The following PLCE1 variants were observed in gnomAD, a reference collection of about 807,000 sequenced individuals.
PLCE1 encodes phospholipase C epsilon 1.
Under a neutral mutation model 242.8 loss-of-function variants are expected in PLCE1, and 119 were observed. The ratio of observed to expected loss-of-function variants is 0.49; its 90% confidence interval spans 0.42 to 0.57. PLCE1 has a LOEUF of 0.57. Ranked by LOEUF, PLCE1 falls within the 20% of genes least tolerant of loss-of-function variation. The probability of loss-of-function intolerance (pLI) is 0.00; values close to 1 mark genes in which losing one functional copy is unlikely to be tolerated. For missense variants in PLCE1, 2,441 were observed against 2,788.8 expected, an observed-to-expected ratio of 0.88 and a Z score of 2.81; for synonymous variants, 945 against 1,017.4, an observed-to-expected ratio of 0.93 and a Z score of 1.35.
intron 8 of PLCE1, among the ~76,000 whole-genome samples, chr10:94,248,502 A>G (rs1008510477): frequency 6.6e-6 from 1 of 152,192 alleles, no homozygotes. Flanking sequence ...AGGCAGGAGA[A>G]TCGCTTGAGC....
chr10:94,095,562 TC>T (rs1284633706), intron 2 of PLCE1, among the ~76,000 whole-genome samples: 5 of 152,126 alleles, frequency 3.3e-5, no homozygotes, highest in African/African-American at 4.8e-5. Flanking sequence ...TCATTATGTT[TC>T]CCAGGCTGGA....
At chr10:94,190,395 G>A (rs532784001) in intron 4 of PLCE1, among the ~76,000 whole-genome samples, 1 of 152,184 alleles carries the variant, frequency 6.6e-6, no homozygotes, top group Non-Finnish European at 1.5e-5. Flanking sequence ...GATTGCTTCA[G>A]GCTAGCAGTT....
At chr10:94,114,402 C>CA (rs1283602336) in intron 2 of PLCE1, among the ~76,000 whole-genome samples, 1 of 152,194 alleles carries the variant, frequency 6.6e-6, no homozygotes, top group African/African-American at 2.4e-5. Flanking sequence ...CTCAGGCTAA[C>CA]AGTCTGATCT....
intron 19 of PLCE1, among the ~76,000 whole-genome samples, chr10:94,276,452 AG>A (rs1359195297): frequency 1.3e-5 from 2 of 152,208 alleles, no homozygotes; most frequent in Non-Finnish European, 2.9e-5. Flanking sequence ...ACAGATTCTA[AG>A]GTCACAAATC....
At chr10:94,181,719 A>G (rs55909847) in intron 4 of PLCE1, among the ~76,000 whole-genome samples, 16,516 of 152,190 alleles carry the variant, frequency 0.11, 1,864 homozygotes, top group African/African-American at 0.29. Flanking sequence ...GACAAACCAG[A>G]AGTTCAAGAC....
intron 8 of PLCE1, 95 bp from the exon 9 acceptor site, chr10:94,252,221 C>T (rs2050904405): frequency 1.8e-6 from 2 of 1,120,842 alleles, no homozygotes; most frequent in Non-Finnish European, 2.7e-6. Context: ...CGTCTGTGCT[C>T]TTCCACCTCT....
At chr10:94,084,467 C>T (rs1004107380) in intron 2 of PLCE1, among the ~76,000 whole-genome samples, 1 of 152,182 alleles carries the variant, frequency 6.6e-6, no homozygotes, top group East Asian at 1.9e-4. Context: ...TATTCCTCTT[C>T]TGTAAAACCA....
chr10:94,194,947 A>G (rs1233749031), intron 4 of PLCE1, among the ~76,000 whole-genome samples: 1 of 152,148 alleles, frequency 6.6e-6, no homozygotes, highest in Non-Finnish European at 1.5e-5. Flanking sequence ...GTTTGGGGGA[A>G]ACAGGGGCCA....
chr10:94,293,414 G>T, intron 22 of PLCE1, 94 bp from the exon 23 acceptor site: 3 of 1,372,894 alleles, frequency 2.2e-6, no homozygotes, highest in Non-Finnish European at 2.1e-6. Flanking sequence ...CAAGGGAGTA[G>T]TAGGACTTCA....
intron 1 of PLCE1, among the ~76,000 whole-genome samples, chr10:94,019,427 G>T (rs1201521519): frequency 1.3e-5 from 2 of 152,290 alleles, no homozygotes; most frequent in East Asian, 3.9e-4. Context: ...CTCAAAAAGT[G>T]GCTTTGGGAC....
chr10:94,316,178 AAG>A (rs1410099456), intron 28 of PLCE1, among the ~76,000 whole-genome samples: 2 of 152,334 alleles, frequency 1.3e-5, no homozygotes, highest in South Asian at 4.1e-4. Flanking sequence ...ATGTGAGAAA[AAG>A]AGATTATCTT....
chr10:94,174,683 G>A (rs2136356113), intron 4 of PLCE1, among the ~76,000 whole-genome samples: 1 of 151,782 alleles, frequency 6.6e-6, no homozygotes, highest in African/African-American at 2.4e-5. Context: ...CATAAATCTA[G>A]CAATGAAAAA....
chr10:94,303,174 C>T (rs1240996386), intron 24 of PLCE1, among the ~76,000 whole-genome samples: 1 of 152,234 alleles, frequency 6.6e-6, no homozygotes, highest in Non-Finnish European at 1.5e-5. Flanking sequence ...ACAGACAGGA[C>T]AAGTAGAGGC....
Position 94,177,742 on chromosome 10 carries a change from C to T in PLCE1, c.1809+6246C>T, listed in dbSNP as rs182647497. ...TGACCTTACTTTTAAAAAATTCCTC[C>T]TAAAATAAATTCCCAAGCCCTTTAT... On this transcript the variant is annotated intron_variant, in intron 4 of 32. Coordinates refer to ENST00000371380, the MANE Select transcript of PLCE1 (RefSeq NM_016341.4). Among the ~76,000 whole-genome samples, 37 of 152,312 alleles carry T rather than the reference C, an allele frequency of 2.4e-4. 1 individual carries two copies. The highest frequency in any genetic ancestry group is 2.4e-3 in the Admixed American group (37 of 15,298).
At position 94,313,402 on chromosome 10, in the gene PLCE1, G is replaced by C. The variant is rs762754927; in HGVS notation, c.6132+20G>C. 5 of 1,614,084 alleles carry C rather than the reference G, an allele frequency of 3.1e-6. No homozygotes were observed. In the South Asian group the frequency reaches 5.5e-5, roughly 18 times the overall value. On this transcript the variant is annotated intron_variant, in intron 28 of 32. Transcript: ENST00000371380. ...CAGCAAGTAAGTCCACTGAGCCGTG[G>C]TTGGGAGAATCCAAAATCTAAGATG...
chr10:94,132,127 T>C lies in PLCE1; in HGVS notation c.1207-47T>C, dbSNP rs140613465. The C allele has an allele frequency of 0.015, 23,952 of 1,589,690 alleles. 246 individuals carry two copies. Among genetic ancestry groups the C allele is most frequent in the Middle Eastern group, 0.017 (103 of 5,966 alleles). ...ATTTTGTCAACAAGTTAATTTGCTT[T>C]CCTAAGAAACTAGATTAATACTTCC... On this transcript the variant is annotated intron_variant, in intron 2 of 32. Coordinates refer to ENST00000371380, the MANE Select transcript of PLCE1 (RefSeq NM_016341.4).
intron 16 of PLCE1, among the ~76,000 whole-genome samples, chr10:94,267,205 C>A (rs2051552073): frequency 6.6e-6 from 1 of 152,154 alleles, no homozygotes; most frequent in Non-Finnish European, 1.5e-5. Context: ...TGTGTAAGTG[C>A]ATATATACAT....
At chr10:94,005,525 G>A (rs2061017254) in intron 1 of PLCE1, among the ~76,000 whole-genome samples, 1 of 152,168 alleles carries the variant, frequency 6.6e-6, no homozygotes, top group Admixed American at 6.5e-5. Flanking sequence ...TCTTTACCAA[G>A]AAATGTCTGG....
In PLCE1 at chr10:94,031,936, T is replaced by G; in HGVS notation, c.890T>G (p.Leu297Trp). The G allele has an allele frequency of 6.2e-7, 1 of 1,613,928 alleles. No individual in the cohort carries two copies. The highest frequency in any genetic ancestry group is 8.5e-7 in the Non-Finnish European group (1 of 1,179,860). ...FTDSQAAKTF[L>W]SHFEDFPDNC... Reference sequence around the variant, plus strand: ...GACAGTCAAGCTGCCAAGACCTTTTTGAGCCATTTTGAGGACTTCCCTGAT... The same window carrying G: ...GACAGTCAAGCTGCCAAGACCTTTTGGAGCCATTTTGAGGACTTCCCTGAT... The change falls in exon 2 of 33, where the codon TTG (leucine) becomes TGG (tryptophan). Residue 297 changes from leucine (L) to tryptophan (W), a missense_variant. Around this residue, in one of 5 missense-constraint regions of PLCE1, gnomAD observed 393 missense variants for 378.5 expected, o/e 1.04. Coordinates refer to ENST00000371380, the MANE Select transcript of PLCE1 (RefSeq NM_016341.4).
Sources: gnomAD v4.1 joint callset for allele counts (sites outside exome capture counted in the v4.1 genomes callset) on GRCh38, gnomAD v4.1.1 for gene constraint, gnomAD v4.1.1 regional missense constraint, MANE v1.5 for transcripts, NCBI Gene and HGNC (gene_info 2026-07-23, HGNC 2026-07-21) for gene names.